The following CA10 variants were observed in gnomAD, a reference collection of about 807,000 sequenced individuals.
The protein encoded by CA10 is carbonic anhydrase 10 (inactive), also known as carbonic anhydrase-related protein 10.
A neutral mutation model predicts 44.2 loss-of-function variants in CA10; 14 were observed. The observed-to-expected ratio is 0.32, with a 90% confidence interval of 0.21 to 0.50. CA10 has a LOEUF of 0.50. Among genes scored for constraint, CA10 ranks in the 20% least tolerant of loss-of-function variants. The pLI is 0.99. For missense variants in CA10, 350 were observed against 409.7 expected (o/e 0.85, Z 1.26); for synonymous variants, 159 against 141.6 (o/e 1.12, Z -0.87).
At position 51,931,128 on chromosome 17, in the gene CA10, A is replaced by C; in HGVS notation, c.141T>G (p.Pro47=). The change falls in exon 3 of 9, where the codon CCT becomes CCG. Residue 47 remains proline, a synonymous_variant. Transcript: ENST00000451037. ...EVVQGSFVPV[P]SFWGLVNSAW... ...CTGAGTTCACCAATCCCCAGAAAGA[A>C]GGAACTAGAAACAAAAAGAAATTAT... The C allele has an allele frequency of 6.2e-7, 1 of 1,613,136 alleles. No homozygotes were observed. Among genetic ancestry groups the C allele is most frequent in the Non-Finnish European group, 8.5e-7 (1 of 1,179,532 alleles).
chr17:51,888,793 T>C (rs1448975207), intron 3 of CA10, among the ~76,000 whole-genome samples: 1 of 152,228 alleles, frequency 6.6e-6, no homozygotes, highest in Non-Finnish European at 1.5e-5. Context: ...CCATTACCTA[T>C]TGCTACATAA....
chr17:51,656,796 C>T (rs950712796), intron 4 of CA10, among the ~76,000 whole-genome samples: 8 of 152,096 alleles, frequency 5.3e-5, no homozygotes, highest in African/African-American at 1.2e-4. Context: ...TTTGGATGCA[C>T]GCTAAAGTTT....
chr17:51,682,784 C>T (rs1431204013), intron 4 of CA10, among the ~76,000 whole-genome samples: 1 of 138,018 alleles, frequency 7.2e-6, no homozygotes, highest in Non-Finnish European at 1.6e-5. Context: ...GGAACACGCC[C>T]TGATAAACGT....
chr17:51,678,023 G>C (rs1769338116), intron 4 of CA10, among the ~76,000 whole-genome samples: 1 of 152,094 alleles, frequency 6.6e-6, no homozygotes, highest in Admixed American at 6.5e-5. Flanking sequence ...TGGGCAATTT[G>C]TGGTATACCC....
At chr17:51,732,016 G>A (rs554098965) in intron 4 of CA10, among the ~76,000 whole-genome samples, 17 of 150,146 alleles carry the variant, frequency 1.1e-4, no homozygotes, top group South Asian at 6.3e-4. Context: ...GCCCTTTGAG[G>A]TTGACATCAT....
At chr17:51,704,899 G>A (rs947282900) in intron 4 of CA10, among the ~76,000 whole-genome samples, 6 of 151,914 alleles carry the variant, frequency 3.9e-5, no homozygotes, top group African/African-American at 9.7e-5. Flanking sequence ...GGAGGTGGAG[G>A]TGGAGGTTGC....
intron 6 of CA10, among the ~76,000 whole-genome samples, chr17:51,643,392 A>C (rs141108008): frequency 6.6e-6 from 1 of 152,280 alleles, no homozygotes; most frequent in Non-Finnish European, 1.5e-5. Flanking sequence ...CGGAAAATCT[A>C]TTTTTCAATG....
chr17:52,083,076 A>G (rs761555749), intron 1 of CA10, among the ~76,000 whole-genome samples: 7 of 152,200 alleles, frequency 4.6e-5, no homozygotes, highest in Non-Finnish European at 7.3e-5. Flanking sequence ...TATATTCAGA[A>G]TGCTAGGAGC....
At chr17:51,894,729 G>C (rs1177302219) in intron 3 of CA10, among the ~76,000 whole-genome samples, 1 of 152,082 alleles carries the variant, frequency 6.6e-6, no homozygotes, top group Non-Finnish European at 1.5e-5. Flanking sequence ...TAATGAATTT[G>C]TGTTGTTTGT....
At chr17:51,764,161 ACT>A (rs780900021) in intron 3 of CA10, among the ~76,000 whole-genome samples, 3 of 152,088 alleles carry the variant, frequency 2.0e-5, no homozygotes, top group East Asian at 1.9e-4. Context: ...TCTCTATGAA[ACT>A]CTTATCATTG....
intron 2 of CA10, among the ~76,000 whole-genome samples, chr17:51,992,982 A>G (rs1180858038): frequency 6.6e-6 from 1 of 152,152 alleles, no homozygotes; most frequent in Non-Finnish European, 1.5e-5. Context: ...ACTGATAGGC[A>G]AGGAAGTGGC....
At chr17:51,772,500 T>C (rs1207097906) in intron 3 of CA10, among the ~76,000 whole-genome samples, 1 of 152,064 alleles carries the variant, frequency 6.6e-6, no homozygotes, top group Admixed American at 6.6e-5. Flanking sequence ...ATTAAGGCCA[T>C]GAAGAGAACT....
At chr17:51,737,276 A>ACTGGGTGT (rs1221211202) in intron 4 of CA10, among the ~76,000 whole-genome samples, 3 of 152,154 alleles carry the variant, frequency 2.0e-5, no homozygotes, top group Non-Finnish European at 4.4e-5. Flanking sequence ...TATTGTGAGG[A>ACTGGGTGT]CTGGGTGTGA....
At chr17:52,036,459 A>T (rs182691396) in intron 2 of CA10, among the ~76,000 whole-genome samples, 121 of 152,316 alleles carry the variant, frequency 7.9e-4, no homozygotes, top group Non-Finnish European at 1.4e-3. Context: ...CATAGGAAAC[A>T]TTGGGACCCC....
intron 2 of CA10, among the ~76,000 whole-genome samples, chr17:52,017,747 G>A (rs893326147): frequency 1.2e-4 from 18 of 152,114 alleles, no homozygotes; most frequent in African/African-American, 4.3e-4. Context: ...AGGCTGTGGA[G>A]CAACCACTTG....
intron 4 of CA10, among the ~76,000 whole-genome samples, chr17:51,677,479 G>A (rs1290856496): frequency 6.6e-6 from 1 of 152,100 alleles, no homozygotes; most frequent in Admixed American, 6.6e-5. Flanking sequence ...ATGCTGCCAT[G>A]CTTCCTGTAC....
At chr17:51,759,358 CTGTGTGTGTGTG>C (rs5820879) in intron 3 of CA10, among the ~76,000 whole-genome samples, 37 of 141,994 alleles carry the variant, frequency 2.6e-4, no homozygotes, top group African/African-American at 4.9e-4. Context: ...CTTCTTTGCT[CTGTGTGTGTGTG>C]TGTGTGTGTG....
rs537928260 is a variant in CA10 at position 52,150,644 on chromosome 17, A to G, written c.61+7082T>C. On this transcript the variant is annotated intron_variant, in intron 1 of 8. Coordinates refer to ENST00000451037, the MANE Select transcript of CA10 (RefSeq NM_020178.5). ...TAAGTGAATGTGTACTCTATTGGAA[A>G]TAAGAGTTGAACAGAATGTAGTAAG... Among the ~76,000 whole-genome samples the G allele has an allele frequency of 3.9e-5, 6 of 152,298 alleles. No individual in the cohort carries two copies. In the East Asian group the frequency reaches 7.7e-4, roughly 20 times the overall value.
At chr17:51,844,198 A>G (rs1978393300) in intron 3 of CA10, among the ~76,000 whole-genome samples, 1 of 152,170 alleles carries the variant, frequency 6.6e-6, no homozygotes. Context: ...ATGATAGTTT[A>G]GGCTTCCAGA....
Sources: allele counts gnomAD v4.1 joint callset (sites outside exome capture counted in the v4.1 genomes callset), GRCh38; gene constraint gnomAD v4.1.1; transcripts MANE v1.5; gene names NCBI Gene and HGNC (gene_info 2026-07-23, HGNC 2026-07-21).